SPOCK3: variants seen among roughly 807,000 people sequenced by gnomAD.
SPOCK3 encodes SPARC (osteonectin), cwcv and kazal like domains proteoglycan 3.
SPOCK3 carries 30 observed loss-of-function variants against 56.6 expected under a neutral mutation model. That is an observed-to-expected ratio of 0.53 (90% confidence interval 0.40 to 0.72). The LOEUF (loss-of-function observed/expected upper bound fraction) is 0.72. SPOCK3 is among the 30% of genes least tolerant of loss of function. SPOCK3 has a pLI of 0.00. For synonymous variants in SPOCK3, 196 were observed against 183.3 expected (o/e 1.07, Z -0.56); for missense variants, 527 against 530.0 (o/e 0.99, Z 0.06).
At position 167,069,522 on chromosome 4, in the gene SPOCK3, G is replaced by A. The variant is rs547525732; in HGVS notation, c.190-6985C>T. The stretch of plus-strand genomic sequence containing the variant: ...AAGCCACTACATTTTGGGCTGGTTC[G>A]TAGCGGGCGGGTTTGTTGCAGAACA... On this transcript the variant is annotated intron_variant, in intron 2 of 10. Coordinates refer to ENST00000357545, the MANE Select transcript of SPOCK3 (RefSeq NM_001040159.2). Among the ~76,000 whole-genome samples, 12 of 152,014 alleles carry A rather than the reference G, an allele frequency of 7.9e-5. No individual in the cohort carries two copies. The South Asian group carries it at 1.2e-3, about 16-fold the overall frequency.
chr4:167,041,333 T>C (rs1753214136), intron 3 of SPOCK3, among the ~76,000 whole-genome samples: 1 of 152,186 alleles, frequency 6.6e-6, no homozygotes, highest in Non-Finnish European at 1.5e-5. Context: ...GCTAATATTA[T>C]TAAATTTTGC....
intron 4 of SPOCK3, among the ~76,000 whole-genome samples, chr4:166,990,212 T>C (rs7673131): frequency 0.059 from 8,989 of 152,176 alleles, 299 homozygotes; most frequent in South Asian, 0.064. Flanking sequence ...CAAAACTGAA[T>C]ATCAATGATT....
rs774600498 is a variant in SPOCK3, at chr4:166,735,082, A to T, written c.1141T>A (p.Phe381Ile). The T allele has an allele frequency of 6.3e-7, 1 of 1,599,258 alleles. No individual in the cohort carries two copies. Among genetic ancestry groups the T allele is most frequent in the South Asian group, 1.1e-5 (1 of 88,732 alleles). Residue 381 changes from phenylalanine to isoleucine, a missense_variant, in exon 11 of 11, where the codon TTT (phenylalanine) becomes ATT (isoleucine). Physicochemically the swap from Phe to Ile is conservative, Grantham distance 21. Transcript: ENST00000357545. Reference protein sequence around the residue: ...INGVADCAIDFEISGDFASGD... With the variant: ...INGVADCAIDIEISGDFASGD... Reference sequence around the variant, plus strand: ...CTAGCAAAATCTCCGGAGATCTCAAAATCTATAGCTTAAAACAAGTGAAAG... The same window carrying T: ...CTAGCAAAATCTCCGGAGATCTCAATATCTATAGCTTAAAACAAGTGAAAG...
chr4:166,978,228 T>G (rs923612088), intron 4 of SPOCK3, among the ~76,000 whole-genome samples: 1 of 152,160 alleles, frequency 6.6e-6, no homozygotes, highest in African/African-American at 2.4e-5. Flanking sequence ...TTTTATTTTA[T>G]TTTTTCTGTT....
At chr4:167,211,486 C>T (rs1419302949) in intron 2 of SPOCK3, among the ~76,000 whole-genome samples, 1 of 152,126 alleles carries the variant, frequency 6.6e-6, no homozygotes, top group African/African-American at 2.4e-5. Context: ...ACCTAAATCT[C>T]ATCTTGAATT....
chr4:166,747,786 G>C (rs1735842889), intron 8 of SPOCK3, among the ~76,000 whole-genome samples: 1 of 152,004 alleles, frequency 6.6e-6, no homozygotes, highest in Admixed American at 6.6e-5. Context: ...CTTCAGCAAA[G>C]TCTCAGGATA....
At chr4:167,166,777 A>T (rs1729992204) in intron 2 of SPOCK3, among the ~76,000 whole-genome samples, 1 of 152,148 alleles carries the variant, frequency 6.6e-6, no homozygotes, top group Non-Finnish European at 1.5e-5. Flanking sequence ...TGGGATTTTG[A>T]AAATGGCAAT....
intron 6 of SPOCK3, among the ~76,000 whole-genome samples, chr4:166,871,217 A>C (rs1732431275): frequency 6.6e-6 from 1 of 152,126 alleles, no homozygotes. Context: ...AAAAAAACAG[A>C]AGTCAATGTA....
intron 6 of SPOCK3, among the ~76,000 whole-genome samples, chr4:166,856,955 G>C (rs1730751721): frequency 6.6e-6 from 1 of 152,054 alleles, no homozygotes; most frequent in Non-Finnish European, 1.5e-5. Context: ...TTCTTTGGCA[G>C]TTTGATTTTC....
intron 7 of SPOCK3, among the ~76,000 whole-genome samples, chr4:166,766,748 G>A (rs1034269036): frequency 4.6e-5 from 7 of 152,116 alleles, no homozygotes; most frequent in African/African-American, 1.7e-4. Flanking sequence ...GATTGGAATA[G>A]TTTCAGAAGG....
chr4:167,223,073 AT>A (rs1367220088), intron 2 of SPOCK3, among the ~76,000 whole-genome samples: 4 of 111,624 alleles, frequency 3.6e-5, no homozygotes, highest in Non-Finnish European at 6.8e-5. Context: ...ATGAATATAT[AT>A]TTTATATATG....
chr4:167,216,144 AAG>A (rs1735332157), intron 2 of SPOCK3, among the ~76,000 whole-genome samples: 1 of 152,108 alleles, frequency 6.6e-6, no homozygotes, highest in South Asian at 2.1e-4. Flanking sequence ...ACAATATTTG[AAG>A]AGTCTCCAGT....
At chr4:167,157,734 C>G (rs1331481737) in intron 2 of SPOCK3, among the ~76,000 whole-genome samples, 1 of 151,366 alleles carries the variant, frequency 6.6e-6, no homozygotes, top group African/African-American at 2.4e-5. Context: ...AATGCTAGTG[C>G]AATTTTTATT....
At chr4:167,091,382 A>G in intron 2 of SPOCK3, among the ~76,000 whole-genome samples, 1 of 152,220 alleles carries the variant, frequency 6.6e-6, no homozygotes, top group Non-Finnish European at 1.5e-5. Flanking sequence ...GCATGGAATT[A>G]CGACACTACA....
In SPOCK3 at chr4:166,839,000, A is replaced by G. The variant is rs1746940290; in HGVS notation, c.590-46711T>C. Among the ~76,000 whole-genome samples the G allele has an allele frequency of 2.6e-5, 4 of 151,832 alleles. No individual in the cohort carries two copies. In the South Asian group the frequency reaches 8.3e-4, roughly 32 times the overall value. On this transcript the variant is annotated intron_variant, in intron 6 of 10. Transcript: ENST00000357545. ...TTTGTCATATAGTTCTAACATATCT[A>G]TCTTATGAGGATTAGTGTCTGTGGT...
chr4:167,021,130 G>A lies in SPOCK3; in HGVS notation c.236-20667C>T, dbSNP rs955113986. ...AAAAATTATAAGAATACTGGACCTT[G>A]AAAAAACTTAATCTTAAAATAAAAT... is the stretch of plus-strand genomic sequence containing the variant. On this transcript the variant is annotated intron_variant, in intron 3 of 10. Transcript: ENST00000357545. Among the ~76,000 whole-genome samples, 39 of 151,970 alleles carry A rather than the reference G, an allele frequency of 2.6e-4. 1 individual carries two copies. Among genetic ancestry groups the A allele is most frequent in the Admixed American group, 2.4e-3 (36 of 15,244 alleles).
At chr4:167,198,240 G>C (rs1383370776) in intron 2 of SPOCK3, among the ~76,000 whole-genome samples, 1 of 151,998 alleles carries the variant, frequency 6.6e-6, no homozygotes, top group Admixed American at 6.6e-5. Context: ...ACTTCTTGTT[G>C]CTTAGTATCA....
intron 2 of SPOCK3, among the ~76,000 whole-genome samples, chr4:167,152,018 C>A (rs1024507914): frequency 6.6e-6 from 1 of 152,080 alleles, no homozygotes; most frequent in Non-Finnish European, 1.5e-5. Flanking sequence ...CAATGAGTCT[C>A]TGGAATTTTT....
chr4:167,135,001 C>T (rs537559097), intron 2 of SPOCK3, among the ~76,000 whole-genome samples: 2 of 151,784 alleles, frequency 1.3e-5, no homozygotes, highest in African/African-American at 4.8e-5. Context: ...CAACACTGAT[C>T]TTGACTTTTT....
Sources: gnomAD v4.1 joint callset for allele counts (sites outside exome capture counted in the v4.1 genomes callset) on GRCh38, gnomAD v4.1.1 for gene constraint, MANE v1.5 for transcripts, NCBI Gene and HGNC (gene_info 2026-07-23, HGNC 2026-07-21) for gene names.